Variants in PRR16 observed in about 807,000 individuals in gnomAD.
PRR16 encodes protein Largen.
PRR16 carries 6 observed loss-of-function variants against 18.2 expected under a neutral mutation model. The ratio of observed to expected loss-of-function variants is 0.33; its 90% CI spans 0.18 to 0.65. PRR16 has a LOEUF of 0.65. Among genes scored for constraint, PRR16 ranks in the 30% least tolerant of loss-of-function variants. PRR16 has a pLI of 0.74. For synonymous variants in PRR16, 151 were observed against 147.8 expected, an observed-to-expected ratio of 1.02 and a Z score of -0.16; for missense variants, 412 against 376.6, an observed-to-expected ratio of 1.09 and a Z score of -0.78.
chr5:120,493,264 G>A (rs1478713755), intron 1 of PRR16, among the ~76,000 whole-genome samples: 1 of 152,060 alleles, frequency 6.6e-6, no homozygotes, highest in Non-Finnish European at 1.5e-5. Flanking sequence ...GCAGAAATAA[G>A]GTGGTATATC....
At chr5:120,540,847 C>T (rs770470346) in intron 1 of PRR16, among the ~76,000 whole-genome samples, 1 of 145,696 alleles carries the variant, frequency 6.9e-6, no homozygotes, top group Non-Finnish European at 1.5e-5. Flanking sequence ...ATATTATATA[C>T]TGCTACTTTC....
chr5:120,731,366 T>C, the PRR16 span, among the ~76,000 whole-genome samples: 1 of 152,168 alleles, frequency 6.6e-6, no homozygotes. Flanking sequence ...TCAATTCCAA[T>C]AAAATTTGGG....
intron 1 of PRR16, among the ~76,000 whole-genome samples, chr5:120,506,678 C>G (rs756373280): frequency 6.6e-6 from 1 of 152,070 alleles, no homozygotes; most frequent in Non-Finnish European, 1.5e-5. Context: ...CATCTTCTAT[C>G]TTTCTATTTC....
At chr5:120,600,518 G>A (rs1054027957) in intron 1 of PRR16, among the ~76,000 whole-genome samples, 9 of 151,856 alleles carry the variant, frequency 5.9e-5, no homozygotes, top group African/African-American at 1.9e-4. Flanking sequence ...TAAGACTAAT[G>A]TCTAATGATA....
intron 1 of PRR16, among the ~76,000 whole-genome samples, chr5:120,642,780 C>G (rs1245822613): frequency 2.0e-5 from 3 of 152,102 alleles, no homozygotes; most frequent in Non-Finnish European, 2.9e-5. Context: ...CACATTACCA[C>G]TGCCCACCCA....
intron 1 of PRR16, among the ~76,000 whole-genome samples, chr5:120,674,656 G>C (rs562938135): frequency 6.6e-6 from 1 of 151,958 alleles, no homozygotes; most frequent in South Asian, 2.1e-4. Context: ...ATTTGAAGCT[G>C]CATTTGTGTT....
intron 1 of PRR16, among the ~76,000 whole-genome samples, chr5:120,649,464 A>G (rs559405333): frequency 6.6e-6 from 1 of 152,092 alleles, no homozygotes; most frequent in South Asian, 2.1e-4. Flanking sequence ...TTTTACTACT[A>G]TTGACTATAC....
the PRR16 span, among the ~76,000 whole-genome samples, chr5:120,720,113 A>G: frequency 6.6e-6 from 1 of 152,126 alleles, no homozygotes; most frequent in African/African-American, 2.4e-5. Flanking sequence ...TGGTGGCAAG[A>G]GTGAAGTAAT....
intron 1 of PRR16, among the ~76,000 whole-genome samples, chr5:120,655,725 C>CTTTTTTTT (rs5870911): frequency 2.9e-5 from 3 of 102,790 alleles, no homozygotes; most frequent in African/African-American, 3.5e-5. Context: ...TAGCAATTGA[C>CTTTTTTTT]TTTTTTTTTT....
intron 1 of PRR16, among the ~76,000 whole-genome samples, chr5:120,499,445 G>T (rs1435976075): frequency 1.3e-5 from 2 of 151,832 alleles, no homozygotes; most frequent in Non-Finnish European, 2.9e-5. Context: ...TTGTTTTCAG[G>T]CTAGTTTCTC....
At chr5:120,709,037 T>C in the PRR16 span, among the ~76,000 whole-genome samples, 1 of 114,936 alleles carries the variant, frequency 8.7e-6, no homozygotes, top group Admixed American at 1.3e-4. Flanking sequence ...AGACAGAGTC[T>C]TGCTCTGTGG....
chr5:120,510,532 A>G (rs1046007529), intron 1 of PRR16, among the ~76,000 whole-genome samples: 1 of 152,202 alleles, frequency 6.6e-6, no homozygotes, highest in African/African-American at 2.4e-5. Flanking sequence ...TGTCCCATGA[A>G]ATGGCATCTG....
chr5:120,672,596 T>G (rs1436708137), intron 1 of PRR16, among the ~76,000 whole-genome samples: 1 of 151,904 alleles, frequency 6.6e-6, no homozygotes, highest in African/African-American at 2.4e-5. Context: ...GAAAGTCTTC[T>G]GTAACTGCAA....
chr5:120,532,227 G>A (rs1017764611), intron 1 of PRR16, among the ~76,000 whole-genome samples: 2 of 152,052 alleles, frequency 1.3e-5, no homozygotes. Flanking sequence ...GCCATTTTAG[G>A]TAAAGATATT....
intron 1 of PRR16, among the ~76,000 whole-genome samples, chr5:120,533,251 A>T (rs1053576935): frequency 6.6e-6 from 1 of 152,248 alleles, no homozygotes; most frequent in Admixed American, 6.5e-5. Context: ...CTAATCTTCC[A>T]CAAGAAATAT....
intron 1 of PRR16, among the ~76,000 whole-genome samples, chr5:120,664,683 CGT>C (rs1478722013): frequency 1.3e-5 from 2 of 151,894 alleles, no homozygotes; most frequent in African/African-American, 4.8e-5. Flanking sequence ...GTTCAATTCA[CGT>C]CTATGAGTGA....
intron 1 of PRR16, among the ~76,000 whole-genome samples, chr5:120,484,566 G>T: frequency 7.0e-6 from 1 of 143,568 alleles, no homozygotes; most frequent in African/African-American, 2.5e-5. Context: ...TTGTATATAT[G>T]AAATATATTC....
At chr5:120,736,822 A>C in the PRR16 span, among the ~76,000 whole-genome samples, 3 of 151,904 alleles carry the variant, frequency 2.0e-5, no homozygotes, top group African/African-American at 7.3e-5. Context: ...AGTTCAGTTT[A>C]TTCATACTTT....
At chr5:120,710,921 G>T in the PRR16 span, 2 of 145,410 alleles carry the variant, frequency 1.4e-5, no homozygotes, top group African/African-American at 2.5e-5. Context: ...TAGGGCTCTG[G>T]TCCTTTGTGG....
Sources: allele counts gnomAD v4.1 joint callset (sites outside exome capture counted in the v4.1 genomes callset), GRCh38; gene constraint gnomAD v4.1.1; transcripts MANE v1.5; gene names NCBI Gene and HGNC (gene_info 2026-07-23, HGNC 2026-07-21).